TTLL9: variants seen among roughly 807,000 people sequenced by gnomAD.
TTLL9 encodes tubulin tyrosine ligase like 9.
Under a neutral mutation model 65.6 loss-of-function variants are expected in TTLL9, and 47 were observed. The observed-to-expected ratio is 0.72, with a 90% CI of 0.57 to 0.91. The LOEUF (loss-of-function observed/expected upper bound fraction) is 0.91, where lower values mean the gene tolerates loss of function less well. TTLL9 is among the 40% of genes least tolerant of loss of function. TTLL9 has a pLI of 0.00. For missense variants in TTLL9, 537 were observed against 568.8 expected, an observed-to-expected ratio of 0.94 and a Z score of 0.57; for synonymous variants, 179 against 204.8, an observed-to-expected ratio of 0.87 and a Z score of 1.07.
At chr20:31,929,786 A>G (rs757820603) in intron 10 of TTLL9, among the ~76,000 whole-genome samples, 6 of 152,230 alleles carry the variant, frequency 3.9e-5, no homozygotes, top group Non-Finnish European at 8.8e-5. Flanking sequence ...AGATGTAAAT[A>G]CTGAGTCAAG....
At chr20:31,918,538 A>C (rs1429324807) in intron 6 of TTLL9, among the ~76,000 whole-genome samples, 1 of 151,942 alleles carries the variant, frequency 6.6e-6, no homozygotes, top group Non-Finnish European at 1.5e-5. Flanking sequence ...TACCCAGCTA[A>C]TTTTTAAAGC....
intron 4 of TTLL9, among the ~76,000 whole-genome samples, chr20:31,901,912 C>T (rs774943771): frequency 1.3e-5 from 2 of 152,212 alleles, no homozygotes; most frequent in Admixed American, 6.5e-5. Flanking sequence ...AGACTGTGCG[C>T]ACCACCTGGC....
chr20:31,941,582 G>A (rs1438056256), intron 14 of TTLL9, among the ~76,000 whole-genome samples: 1 of 151,432 alleles, frequency 6.6e-6, no homozygotes, highest in Admixed American at 6.6e-5. Context: ...TTTTTGAGAC[G>A]GAGTCTCGCT....
At chr20:31,884,439 C>G (rs2063160235) in intron 2 of TTLL9, among the ~76,000 whole-genome samples, 1 of 152,120 alleles carries the variant, frequency 6.6e-6, no homozygotes, top group Non-Finnish European at 1.5e-5. Flanking sequence ...GTTGGCCAGG[C>G]TGGTCTTGAA....
chr20:31,911,429 T>C (rs1600577296), intron 6 of TTLL9, among the ~76,000 whole-genome samples: 1 of 152,220 alleles, frequency 6.6e-6, no homozygotes, highest in Non-Finnish European at 1.5e-5. Context: ...TGTTGGCTGA[T>C]GCAGATTTAG....
chr20:31,922,629 C>T (rs2123566454), intron 7 of TTLL9, among the ~76,000 whole-genome samples: 1 of 152,342 alleles, frequency 6.6e-6, no homozygotes, highest in East Asian at 1.9e-4. Flanking sequence ...ATTTCATTTA[C>T]TTTTCATCAA....
At chr20:31,910,600 C>T (rs947885591) in intron 6 of TTLL9, among the ~76,000 whole-genome samples, 5 of 152,232 alleles carry the variant, frequency 3.3e-5, no homozygotes, top group East Asian at 1.9e-4. Context: ...AGGCAGCTTA[C>T]GCACCTTCTC....
intron 7 of TTLL9, chr20:31,920,736 C>A (rs1400363969): frequency 6.5e-6 from 1 of 152,772 alleles, no homozygotes; most frequent in Non-Finnish European, 1.5e-5. Flanking sequence ...GGAGGTAGGG[C>A]TGGGCCCAGG....
chr20:31,900,499 G>C (rs2123471573), intron 4 of TTLL9, among the ~76,000 whole-genome samples: 1 of 152,256 alleles, frequency 6.6e-6, no homozygotes, highest in East Asian at 1.9e-4. Flanking sequence ...CCACTGCTTG[G>C]GAAGGCTTTA....
At chr20:31,919,679 C>A (rs2063786503) in intron 6 of TTLL9, among the ~76,000 whole-genome samples, 185 bp from the exon 7 acceptor site, 1 of 152,168 alleles carries the variant, frequency 6.6e-6, no homozygotes, top group African/African-American at 2.4e-5. Flanking sequence ...CCTCCCTTCC[C>A]TCTCTCCCTC....
At chr20:31,939,381 ACCAGCTGTGTGAC>A in intron 14 of TTLL9, 115 bp downstream of exon 14, 1 of 1,267,838 alleles carries the variant, frequency 7.9e-7, no homozygotes, top group Non-Finnish European at 1.1e-6. Flanking sequence ...TCTGCAACTT[ACCAGCTGTGTGAC>A]CTTGGGCAAG....
chr20:31,933,347 C>T (rs1365337469), intron 10 of TTLL9, among the ~76,000 whole-genome samples: 1 of 151,966 alleles, frequency 6.6e-6, no homozygotes, highest in Non-Finnish European at 1.5e-5. Context: ...TAATGACAGA[C>T]AGCCTACTGT....
intron 4 of TTLL9, among the ~76,000 whole-genome samples, chr20:31,907,350 C>T (rs763147462): frequency 7.2e-5 from 11 of 152,150 alleles, no homozygotes; most frequent in African/African-American, 1.2e-4. Context: ...TAAGTATTAG[C>T]GTTAGGTTTA....
chr20:31,910,909 C>T (rs992248463), intron 6 of TTLL9, among the ~76,000 whole-genome samples: 5 of 152,174 alleles, frequency 3.3e-5, no homozygotes, highest in Non-Finnish European at 5.9e-5. Context: ...CATGGTGGCT[C>T]ATGCTTATAA....
At chr20:31,909,135 T>C (rs1052566040) in intron 5 of TTLL9, among the ~76,000 whole-genome samples, 1 of 139,438 alleles carries the variant, frequency 7.2e-6, no homozygotes, top group Non-Finnish European at 1.6e-5. Flanking sequence ...ATTTTTTTTT[T>C]TTTTTTTTTT....
chr20:31,920,105 C>G (rs886867453), intron 7 of TTLL9, among the ~76,000 whole-genome samples, 173 bp downstream of exon 7: 6 of 152,194 alleles, frequency 3.9e-5, no homozygotes, highest in African/African-American at 1.4e-4. Context: ...AAATCCTGAT[C>G]TTGCCACTCA....
chr20:31,873,684 G>GAGAAAGAAAGAA (rs143514524), intron 2 of TTLL9, among the ~76,000 whole-genome samples: 263 of 100,580 alleles, frequency 2.6e-3, no homozygotes, highest in East Asian at 8.1e-3. Flanking sequence ...AAGAGAGAGA[G>GAGAAAGAAAGAA]AGAAAGAAAG....
chr20:31,888,628 C>G (rs1055795189), intron 3 of TTLL9, among the ~76,000 whole-genome samples: 1 of 152,040 alleles, frequency 6.6e-6, no homozygotes, highest in African/African-American at 2.4e-5. Context: ...CCCGCCACCA[C>G]GCCTGGCTAA....
At chr20:31,873,091 A>G (rs1313872995) in intron 2 of TTLL9, 1 of 500,838 alleles carries the variant, frequency 2.0e-6, no homozygotes, top group South Asian at 1.5e-5. Flanking sequence ...GAAGCTGGAA[A>G]GAAGGGGATG....
Sources: gnomAD v4.1 joint callset for allele counts (sites outside exome capture counted in the v4.1 genomes callset) on GRCh38, gnomAD v4.1.1 for gene constraint, MANE v1.5 for transcripts, NCBI Gene and HGNC (gene_info 2026-07-23, HGNC 2026-07-21) for gene names.